Variants in PDE8B observed in about 807,000 individuals in gnomAD.
PDE8B encodes the protein phosphodiesterase 8B.
A neutral mutation model predicts 101.3 loss-of-function variants in PDE8B; 26 were observed. The ratio of observed to expected loss-of-function variants is 0.26; its 90% confidence interval spans 0.19 to 0.36. The LOEUF is 0.36. PDE8B is among the 10% of genes least tolerant of loss of function. PDE8B has a pLI of 1.00. For synonymous variants in PDE8B, 424 were observed against 429.3 expected (o/e 0.99, Z 0.15); for missense variants, 810 against 1,163.1 (o/e 0.70, Z 4.42).
Position 77,426,710 on chromosome 5 carries a change from A to T in PDE8B, c.*156A>T, listed in dbSNP as rs890656151. The T allele has an allele frequency of 6.0e-6, 4 of 667,246 alleles. No individual in the cohort carries two copies. The East Asian group carries it at 1.1e-4, about 18-fold the overall frequency. The allele number at this position is 667,246 out of a possible 1,614,324, so 41.3% of individuals were successfully genotyped here. Reference sequence around the variant, plus strand: ...TGAATCATTCAAGTCCCCAAATTTCATTCTTAGAAAGTTATGTTCCATGAA... The same window carrying T: ...TGAATCATTCAAGTCCCCAAATTTCTTTCTTAGAAAGTTATGTTCCATGAA... On this transcript the variant is annotated 3_prime_UTR_variant, in exon 22 of 22. Transcript: ENST00000264917.
rs58184073 is a variant in PDE8B at position 77,288,224 on chromosome 5, A to G, written c.340-23770A>G. Reference sequence around the variant, plus strand: ...TTGGGGTCCCCATTGAAAACCTAACATGTTTGCCAAGGTCCTCACTCTCTG... The same window carrying G: ...TTGGGGTCCCCATTGAAAACCTAACGTGTTTGCCAAGGTCCTCACTCTCTG... On this transcript the variant is annotated intron_variant, in intron 1 of 21. Coordinates refer to ENST00000264917, the MANE Select transcript of PDE8B (RefSeq NM_003719.5). Among the ~76,000 whole-genome samples, 879 of 152,088 alleles carry G rather than the reference A, an allele frequency of 5.8e-3. 12 individuals carry two copies. Among genetic ancestry groups the G allele is most frequent in the African/African-American group, 0.02 (838 of 41,472 alleles).
the PDE8B span, among the ~76,000 whole-genome samples, chr5:77,199,536 C>T: frequency 1.3e-5 from 2 of 152,224 alleles, no homozygotes; most frequent in African/African-American, 4.8e-5. Flanking sequence ...ATCAGATCCC[C>T]CGTTATGAAG....
chr5:77,193,095 T>C, the PDE8B span, among the ~76,000 whole-genome samples: 1 of 152,202 alleles, frequency 6.6e-6, no homozygotes, highest in Non-Finnish European at 1.5e-5. Flanking sequence ...AGTCATTGGA[T>C]GTATATTTCT....
At position 77,400,229 on chromosome 5, in the gene PDE8B, A is replaced by T; in HGVS notation, c.1168-19A>T. On this transcript the variant is annotated intron_variant, in intron 10 of 21. Transcript: ENST00000264917. The stretch of plus-strand genomic sequence containing the variant: ...TTAAAATCTTTCTCTTGTTTTATCA[A>T]ACTTTTGAACGACTTTAGATTCACA... The T allele has an allele frequency of 6.4e-7, 1 of 1,572,390 alleles. No homozygotes were observed. The highest frequency in any genetic ancestry group is 1.1e-5 in the South Asian group (1 of 90,210).
At chr5:77,259,333 C>G (rs1386504900) in intron 1 of PDE8B, among the ~76,000 whole-genome samples, 2 of 152,122 alleles carry the variant, frequency 1.3e-5, no homozygotes, top group Non-Finnish European at 2.9e-5. Context: ...CTTTGCCCCA[C>G]AAGAGATTGG....
chr5:77,126,280 T>C, the PDE8B span, among the ~76,000 whole-genome samples: 60 of 150,762 alleles, frequency 4.0e-4, 1 homozygote, highest in South Asian at 0.012. Flanking sequence ...GCAAGGCTCT[T>C]TCTCAAAAAA....
the PDE8B span, among the ~76,000 whole-genome samples, chr5:77,181,139 C>T: frequency 9.4e-5 from 13 of 138,806 alleles, no homozygotes; most frequent in Non-Finnish European, 1.7e-4. Context: ...CTAGGGACAA[C>T]GCTAGCTGGG....
intron 1 of PDE8B, among the ~76,000 whole-genome samples, chr5:77,214,333 G>A (rs1051437443): frequency 9.2e-5 from 14 of 152,202 alleles, no homozygotes; most frequent in African/African-American, 3.1e-4. Context: ...TTGTGGATCA[G>A]ACACAGGATG....
chr5:77,409,054 G>A lies in PDE8B; in HGVS notation c.1527G>A (p.Met509Ile), dbSNP rs780664941. 6.2e-7 allele frequency: 1 copy of A among 1,613,658 alleles called. No homozygotes were observed. Among genetic ancestry groups the A allele is most frequent in the African/African-American group, 1.3e-5 (1 of 75,046 alleles). ...PHTSDLVGGL[M>I]TDGLRRLSGN... ...CCAGTGATCTTGTTGGAGGCCTGAT[G>A]ACTGTGAGTGATGAGGCAAAACCTG... is the stretch of plus-strand genomic sequence containing the variant. Residue 509 changes from methionine to isoleucine, a missense_variant, in exon 14 of 22, where the codon ATG (methionine) becomes ATA (isoleucine). Around this residue, in one of 4 missense-constraint regions of PDE8B, gnomAD observed 325 missense variants for 560.9 expected, o/e 0.58. Transcript: ENST00000264917.
At chr5:77,097,010 A>G in the PDE8B span, among the ~76,000 whole-genome samples, 1 of 152,228 alleles carries the variant, frequency 6.6e-6, no homozygotes, top group South Asian at 2.1e-4. Flanking sequence ...CTGTGTGCTA[A>G]TATTACCCTT....
At chr5:77,363,049 A>G (rs1183428053) in intron 10 of PDE8B, among the ~76,000 whole-genome samples, 1 of 152,214 alleles carries the variant, frequency 6.6e-6, no homozygotes, top group Non-Finnish European at 1.5e-5. Flanking sequence ...CTCATGGAAG[A>G]GCCTATGTTT....
chr5:77,424,650 A>G (rs961943911), intron 20 of PDE8B, among the ~76,000 whole-genome samples: 2 of 152,234 alleles, frequency 1.3e-5, no homozygotes, highest in African/African-American at 4.8e-5. Flanking sequence ...CCACAAGACA[A>G]CCAGCAGATT....
In PDE8B at chr5:77,290,330, G is replaced by A. The variant is rs774801314; in HGVS notation, c.340-21664G>A. 4.0e-6 allele frequency: 6 copies of A among 1,483,276 alleles called. No individual in the cohort carries two copies. In the South Asian group the frequency reaches 4.6e-5, roughly 11 times the overall value. 91.9% of individuals were successfully genotyped at this position (1,483,276 alleles called of 1,614,324 possible). On this transcript the variant is annotated intron_variant, in intron 1 of 21. Transcript: ENST00000264917. ...GGCTGAAAGAGGTGGGGCTCCGAGA[G>A]GAAAATGAGGGCGTGTATAATGGAA...
intron 2 of PDE8B, among the ~76,000 whole-genome samples, chr5:77,325,030 C>T (rs1775782327): frequency 6.6e-6 from 1 of 152,128 alleles, no homozygotes; most frequent in African/African-American, 2.4e-5. Flanking sequence ...AAACTGTAGG[C>T]CAAAGAGGTG....
intron 1 of PDE8B, among the ~76,000 whole-genome samples, chr5:77,252,636 C>T (rs1160258382): frequency 6.6e-6 from 1 of 152,146 alleles, no homozygotes; most frequent in Non-Finnish European, 1.5e-5. Context: ...TTTTGTGACA[C>T]CTTTTTCTGC....
intron 1 of PDE8B, among the ~76,000 whole-genome samples, chr5:77,230,442 G>T (rs1310829840): frequency 6.6e-6 from 1 of 152,148 alleles, no homozygotes; most frequent in Non-Finnish European, 1.5e-5. Context: ...ATCTCAAGGG[G>T]TCTGCCCAGC....
At chr5:77,158,511 T>G in the PDE8B span, among the ~76,000 whole-genome samples, 1 of 152,172 alleles carries the variant, frequency 6.6e-6, no homozygotes, top group Non-Finnish European at 1.5e-5. Context: ...AGCAGGCCAG[T>G]GCAAATTGCA....
At chr5:77,389,024 C>A (rs1304114118) in intron 10 of PDE8B, among the ~76,000 whole-genome samples, 2 of 152,118 alleles carry the variant, frequency 1.3e-5, no homozygotes, top group Non-Finnish European at 2.9e-5. Context: ...GAGGTGGGAC[C>A]CGCTGAGCCA....
At position 77,211,144 on chromosome 5, in the gene PDE8B, G is replaced by C. The variant is rs960150293; in HGVS notation, c.219G>C (p.Glu73Asp). The change falls in exon 1 of 22, where the codon GAG becomes GAC. Residue 73 changes from glutamate to aspartate, a missense_variant. Physicochemically the swap from Glu to Asp is conservative, Grantham distance 45. Coordinates refer to ENST00000264917, the MANE Select transcript of PDE8B (RefSeq NM_003719.5). The surrounding 1 kb of genome is among the most constrained non-coding windows in gnomAD (Gnocchi z 4.1). ...SVARVRRART[E>D]LGSGSSAGSA... ...CCCGCGTCCGCAGGGCCCGCACCGA[G>C]CTGGGCAGCGGTAGCAGCGCGGGTT... 17 of 1,527,670 alleles carry C rather than the reference G, an allele frequency of 1.1e-5. No homozygotes were observed. The highest frequency in any genetic ancestry group is 1.9e-4 in the Middle Eastern group (1 of 5,248). 94.6% of individuals were successfully genotyped at this position (1,527,670 alleles called of 1,614,324 possible). A position where few individuals can be genotyped will look rare whatever the true frequency, so the allele number is the denominator to read the frequency against.
Sources: allele counts gnomAD v4.1 joint callset (sites outside exome capture counted in the v4.1 genomes callset), GRCh38; gene constraint gnomAD v4.1.1; regional missense constraint gnomAD v4.1.1; non-coding constraint Gnocchi (gnomAD v3.1); transcripts MANE v1.5; gene names NCBI Gene and HGNC (gene_info 2026-07-23, HGNC 2026-07-21).